KCND2: variants seen among roughly 807,000 people sequenced by gnomAD.
KCND2 encodes the protein potassium voltage-gated channel subfamily D member 2.
In KCND2, 16 loss-of-function variants were observed where a neutral mutation model predicts 54.4. That is an observed-to-expected ratio of 0.29 (90% CI 0.20 to 0.45). KCND2 has a LOEUF of 0.45. KCND2 is among the 20% of genes least tolerant of loss of function. KCND2 has a pLI of 1.00. For missense variants in KCND2, 486 were observed against 824.2 expected (o/e 0.59, Z 5.02); for synonymous variants, 317 against 310.7 (o/e 1.02, Z -0.21).
intron 1 of KCND2, among the ~76,000 whole-genome samples, chr7:120,722,229 T>C (rs1402116128): frequency 2.0e-5 from 3 of 152,180 alleles, no homozygotes; most frequent in Non-Finnish European, 2.9e-5. Context: ...GGCCCTGTGC[T>C]TCCAACACAG....
intron 1 of KCND2, among the ~76,000 whole-genome samples, chr7:120,587,189 G>T (rs1028525841): frequency 6.6e-6 from 1 of 152,064 alleles, no homozygotes; most frequent in Non-Finnish European, 1.5e-5. Context: ...AGTCAAATGT[G>T]CTCTAATAGA....
At chr7:120,705,334 A>G (rs1346193156) in intron 1 of KCND2, among the ~76,000 whole-genome samples, 2 of 152,210 alleles carry the variant, frequency 1.3e-5, no homozygotes, top group Non-Finnish European at 2.9e-5. Context: ...AATATGATGT[A>G]TAAAATTCCA....
intron 1 of KCND2, among the ~76,000 whole-genome samples, chr7:120,444,377 C>T (rs1240309637): frequency 1.3e-5 from 2 of 152,102 alleles, no homozygotes; most frequent in Non-Finnish European, 2.9e-5. Flanking sequence ...ACAAAGCACC[C>T]TTTACTAATT....
intron 1 of KCND2, among the ~76,000 whole-genome samples, chr7:120,698,316 T>C (rs1329072918): frequency 6.6e-6 from 1 of 152,236 alleles, no homozygotes; most frequent in Non-Finnish European, 1.5e-5. Flanking sequence ...CTTAAGAGCA[T>C]GCATACTGGA....
intron 1 of KCND2, among the ~76,000 whole-genome samples, chr7:120,614,298 C>T (rs963769878): frequency 2.0e-5 from 3 of 152,210 alleles, no homozygotes; most frequent in African/African-American, 7.2e-5. Flanking sequence ...CAGGTATGAG[C>T]CACAGAGCCT....
At chr7:120,479,794 C>CA (rs1802577744) in intron 1 of KCND2, among the ~76,000 whole-genome samples, 1 of 89,172 alleles carries the variant, frequency 1.1e-5, no homozygotes, top group South Asian at 3.2e-4. Context: ...TATACACACA[C>CA]ACAAAAAAAA....
intron 1 of KCND2, among the ~76,000 whole-genome samples, chr7:120,477,082 G>C (rs968715183): frequency 1.1e-4 from 17 of 152,182 alleles, no homozygotes; most frequent in African/African-American, 4.1e-4. Context: ...ATATGTAAAA[G>C]AGCAGTGACA....
chr7:120,707,897 G>T (rs926349772), intron 1 of KCND2, among the ~76,000 whole-genome samples: 2 of 152,084 alleles, frequency 1.3e-5, no homozygotes, highest in African/African-American at 4.8e-5. Flanking sequence ...TTCTCCATTT[G>T]CTAGCCTTTC....
At chr7:120,620,017 G>A (rs1030649095) in intron 1 of KCND2, among the ~76,000 whole-genome samples, 4 of 152,012 alleles carry the variant, frequency 2.6e-5, no homozygotes, top group Non-Finnish European at 4.4e-5. Flanking sequence ...TAATATGTAC[G>A]CTGTATTTAA....
At chr7:120,276,219 A>G (rs866687824) in intron 1 of KCND2, among the ~76,000 whole-genome samples, 15 of 152,300 alleles carry the variant, frequency 9.8e-5, no homozygotes, top group Non-Finnish European at 1.5e-4. Context: ...TCTAAGAACC[A>G]TAATTCCTAT....
chr7:120,727,873 C>T (rs1173288196), intron 1 of KCND2, among the ~76,000 whole-genome samples: 6 of 151,902 alleles, frequency 3.9e-5, no homozygotes, highest in Admixed American at 1.3e-4. Context: ...CGGTGGCTCA[C>T]GCTTGTAATC....
chr7:120,583,870 A>G (rs1431099281), intron 1 of KCND2, among the ~76,000 whole-genome samples: 1 of 152,190 alleles, frequency 6.6e-6, no homozygotes. Context: ...GAAGAGAGAC[A>G]TTAAACTTTG....
intron 1 of KCND2, among the ~76,000 whole-genome samples, chr7:120,673,528 C>G (rs1250903020): frequency 6.6e-6 from 1 of 152,074 alleles, no homozygotes; most frequent in African/African-American, 2.4e-5. Context: ...AAGTCATGTT[C>G]GTGCTGCAAA....
intron 1 of KCND2, among the ~76,000 whole-genome samples, chr7:120,427,046 G>A (rs1444135391): frequency 6.6e-6 from 1 of 152,126 alleles, no homozygotes; most frequent in Non-Finnish European, 1.5e-5. Flanking sequence ...TCCTAGACTG[G>A]TGTTTTAAGT....
intron 1 of KCND2, among the ~76,000 whole-genome samples, chr7:120,698,578 C>T (rs1792361100): frequency 6.6e-6 from 1 of 152,194 alleles, no homozygotes; most frequent in Non-Finnish European, 1.5e-5. Flanking sequence ...ATAAGCTAGT[C>T]TACATACTAT....
At chr7:120,453,248 A>G (rs949941288) in intron 1 of KCND2, among the ~76,000 whole-genome samples, 3 of 152,180 alleles carry the variant, frequency 2.0e-5, no homozygotes, top group Non-Finnish European at 2.9e-5. Context: ...CACTACCAGA[A>G]TGAGCACAAC....
chr7:120,587,104 C>T (rs886106493), intron 1 of KCND2, among the ~76,000 whole-genome samples: 1 of 152,048 alleles, frequency 6.6e-6, no homozygotes, highest in African/African-American at 2.4e-5. Flanking sequence ...CTCTATAAAT[C>T]ACTCTTGATG....
At chr7:120,302,432 C>T (rs9649421) in intron 1 of KCND2, among the ~76,000 whole-genome samples, 131,674 of 151,950 alleles carry the variant, frequency 0.87, 59,166 homozygotes, top group Non-Finnish European at 0.97. Flanking sequence ...GCTAATTTCT[C>T]TGTATTTTTT....
At chr7:120,324,841 G>A (rs964713868) in intron 1 of KCND2, among the ~76,000 whole-genome samples, 1 of 149,042 alleles carries the variant, frequency 6.7e-6, no homozygotes, top group Non-Finnish European at 1.5e-5. Context: ...GTGAAGAAAG[G>A]CATTGGTAGC....
Sources: gnomAD v4.1 joint callset for allele counts (sites outside exome capture counted in the v4.1 genomes callset) on GRCh38, gnomAD v4.1.1 for gene constraint, MANE v1.5 for transcripts, NCBI Gene and HGNC (gene_info 2026-07-23, HGNC 2026-07-21) for gene names.